Variants in COL24A1 observed in about 807,000 individuals in gnomAD.
The protein encoded by COL24A1 is collagen type XXIV alpha 1 chain, also known as collagen alpha-1(XXIV) chain.
A neutral mutation model predicts 253.9 loss-of-function variants in COL24A1; 224 were observed. The observed-to-expected ratio is 0.88, with a 90% CI of 0.79 to 0.99. The LOEUF is 0.99. Ranked by LOEUF, COL24A1 falls within the 50% of genes least tolerant of loss-of-function variation. The pLI is 0.00. For synonymous variants in COL24A1, 685 were observed against 673.7 expected, an observed-to-expected ratio of 1.02 and a Z score of -0.26; for missense variants, 2,131 against 2,068.5, an observed-to-expected ratio of 1.03 and a Z score of -0.59.
chr1:85,937,094 T>G lies in COL24A1; in HGVS notation c.2562+24155A>C, dbSNP rs768834230. On this transcript the variant is annotated intron_variant, in intron 24 of 59. Transcript: ENST00000370571. ...TCTTCTTTAGCTGACACCTTTGCTC[T>G]CTGGGGGATCCCTTACGACCAGCTG... Among the ~76,000 whole-genome samples, 9 of 147,560 alleles carry G rather than the reference T, an allele frequency of 6.1e-5. 2 individuals are homozygous for G. The highest frequency in any genetic ancestry group is 1.2e-4 in the Non-Finnish European group (8 of 66,724).
intron 10 of COL24A1, among the ~76,000 whole-genome samples, chr1:86,057,709 T>C (rs1700766768): frequency 6.6e-6 from 1 of 152,196 alleles, no homozygotes; most frequent in Non-Finnish European, 1.5e-5. Flanking sequence ...CCAGACATTA[T>C]GCTATGGAAA....
chr1:86,021,842 A>C (rs1308518847), intron 18 of COL24A1, among the ~76,000 whole-genome samples: 3 of 152,180 alleles, frequency 2.0e-5, no homozygotes, highest in Non-Finnish European at 4.4e-5. Flanking sequence ...ATTTTGGTCC[A>C]CAAGAGAGTG....
At chr1:85,820,564 A>C (rs905976160) in intron 45 of COL24A1, among the ~76,000 whole-genome samples, 2 of 152,232 alleles carry the variant, frequency 1.3e-5, no homozygotes, top group African/African-American at 4.8e-5. Context: ...TTCAGGGGAC[A>C]CTAGTGTGAA....
chr1:85,990,169 CTTG>C (rs1694120729), intron 19 of COL24A1, among the ~76,000 whole-genome samples: 1 of 151,858 alleles, frequency 6.6e-6, no homozygotes, highest in Non-Finnish European at 1.5e-5. Context: ...TGTTTCGTGG[CTTG>C]TTGTAGCCCC....
chr1:86,125,273 G>T lies in COL24A1; in HGVS notation c.1063C>A (p.Arg355Ser). 1.9e-6 allele frequency: 3 copies of T among 1,613,544 alleles called. No individual in the cohort carries two copies. Among genetic ancestry groups the T allele is most frequent in the South Asian group, 1.1e-5 (1 of 91,072 alleles). Residue 355 changes from arginine to serine, a missense_variant, in exon 3 of 60, where the codon CGC becomes AGC. Transcript: ENST00000370571. ...GTATTCATTTTTGCCTCACTGATGC[G>T]ATGAGTGGTCACTGACAGGCTGAAA... Reference protein sequence around the residue: ...TNFSLSVTTHRISEAKMNTKE... With the variant: ...TNFSLSVTTHSISEAKMNTKE...
chr1:86,031,851 A>G (rs367873217), intron 14 of COL24A1, 27 bp downstream of exon 14: 17 of 1,573,146 alleles, frequency 1.1e-5, no homozygotes, highest in Non-Finnish European at 1.5e-5. Flanking sequence ...TATTTTCTTA[A>G]GAATGATGAT....
chr1:85,757,253 G>A (rs1183748288), intron 55 of COL24A1, among the ~76,000 whole-genome samples: 1 of 152,110 alleles, frequency 6.6e-6, no homozygotes, highest in Non-Finnish European at 1.5e-5. Flanking sequence ...AAGTAAATAT[G>A]CTCATTATCC....
chr1:85,911,149 C>G lies in COL24A1; in HGVS notation c.2616+231G>C, dbSNP rs188825073. ...TTCTAGTCAGAAATCTAGACTGTTC[C>G]ATCTTTTCTCTTCAGATCACATCTT... is the stretch of plus-strand genomic sequence containing the variant. On this transcript the variant is annotated intron_variant, in intron 25 of 59. Transcript: ENST00000370571. Among the ~76,000 whole-genome samples, 470 of 151,958 alleles carry G rather than the reference C, an allele frequency of 3.1e-3. 1 individual carries two copies. Among genetic ancestry groups the G allele is most frequent in the African/African-American group, 0.011 (456 of 41,494 alleles).
chr1:85,942,073 A>C (rs1249536128), intron 24 of COL24A1, among the ~76,000 whole-genome samples: 1 of 152,186 alleles, frequency 6.6e-6, no homozygotes, highest in African/African-American at 2.4e-5. Flanking sequence ...AAAAATAAAG[A>C]AGGAAAAGTG....
intron 24 of COL24A1, among the ~76,000 whole-genome samples, chr1:85,918,349 T>C (rs188173633): frequency 1.6e-4 from 24 of 152,310 alleles, no homozygotes; most frequent in East Asian, 1.4e-3. Flanking sequence ...CCAAATGCTA[T>C]ATATTCAGCA....
At chr1:85,761,652 AC>A in intron 53 of COL24A1, 86 bp from the exon 54 acceptor site, 1 of 1,347,168 alleles carries the variant, frequency 7.4e-7, no homozygotes. Context: ...AACCTCTGTA[AC>A]TGCCTTTCGT....
intron 19 of COL24A1, among the ~76,000 whole-genome samples, chr1:86,004,063 C>T (rs1390110700): frequency 6.6e-6 from 1 of 152,182 alleles, no homozygotes; most frequent in African/African-American, 2.4e-5. Context: ...TGTACTATCA[C>T]TTACCAAGGA....
chr1:85,874,090 A>C (rs1224151695), intron 35 of COL24A1, among the ~76,000 whole-genome samples: 2 of 152,210 alleles, frequency 1.3e-5, no homozygotes. Context: ...TTTAGTGAAT[A>C]AATGTCTGTT....
chr1:85,827,689 T>G (rs1674568541), intron 43 of COL24A1, among the ~76,000 whole-genome samples: 1 of 151,858 alleles, frequency 6.6e-6, no homozygotes, highest in Non-Finnish European at 1.5e-5. Flanking sequence ...CCATTTCTTC[T>G]AGATTTTCTA....
intron 12 of COL24A1, 84 bp downstream of exon 12, chr1:86,046,741 G>C (rs1386716217): frequency 1.3e-6 from 2 of 1,516,388 alleles, no homozygotes; most frequent in Non-Finnish European, 1.8e-6. Flanking sequence ...AAAGCAAAAA[G>C]TATCTTCACA....
Position 85,737,553 on chromosome 1 carries a change from A to C in COL24A1, c.4673-48T>G, listed in dbSNP as rs572931503. On this transcript the variant is annotated intron_variant, in intron 57 of 59. Transcript: ENST00000370571. Reference sequence around the variant, plus strand: ...AAAGTTAAAGTTATTAAATGCCATAATCCTTATAATTTCTTTTTTTTTTTT... The same window carrying C: ...AAAGTTAAAGTTATTAAATGCCATACTCCTTATAATTTCTTTTTTTTTTTT... 97 of 1,273,750 alleles carry C rather than the reference A, an allele frequency of 7.6e-5. 1 individual carries two copies. The South Asian group carries it at 1.3e-3, about 17-fold the overall frequency. 78.9% of individuals were successfully genotyped at this position (1,273,750 alleles called of 1,614,324 possible).
chr1:86,142,544 A>AAC (rs1553149904), intron 2 of COL24A1, among the ~76,000 whole-genome samples: 31 of 151,210 alleles, frequency 2.1e-4, no homozygotes, highest in Non-Finnish European at 4.1e-4. Context: ...CAAAAAACAA[A>AAC]AAACAAAAAA....
chr1:85,791,537 G>T (rs313720), intron 47 of COL24A1, among the ~76,000 whole-genome samples: 5 of 152,136 alleles, frequency 3.3e-5, no homozygotes, highest in African/African-American at 1.2e-4. Context: ...TTTCAAAATC[G>T]ATTTGACTGT....
chr1:85,766,660 T>C (rs1355606735), intron 53 of COL24A1, among the ~76,000 whole-genome samples: 1 of 152,138 alleles, frequency 6.6e-6, no homozygotes, highest in African/African-American at 2.4e-5. Flanking sequence ...TCATGTATTG[T>C]ATAATGAGCT....
Sources: allele counts gnomAD v4.1 joint callset (sites outside exome capture counted in the v4.1 genomes callset), GRCh38; gene constraint gnomAD v4.1.1; transcripts MANE v1.5; gene names NCBI Gene and HGNC (gene_info 2026-07-23, HGNC 2026-07-21).